HNF4A: variants seen among roughly 807,000 people sequenced by gnomAD.
The protein encoded by HNF4A is hepatocyte nuclear factor 4 alpha, also known as hepatocyte nuclear factor 4-alpha.
In HNF4A, 15 loss-of-function variants were observed where a neutral mutation model predicts 52.4. That is an observed-to-expected ratio of 0.29 (90% CI 0.19 to 0.44). The LOEUF (loss-of-function observed/expected upper bound fraction) is 0.44, where lower values mean the gene tolerates loss of function less well. HNF4A is among the 20% of genes least tolerant of loss of function. The probability of loss-of-function intolerance (pLI) is 1.00; values close to 1 mark genes in which losing one functional copy is unlikely to be tolerated. For synonymous variants in HNF4A, 280 were observed against 264.4 expected (o/e 1.06, Z -0.57); for missense variants, 479 against 647.2 (o/e 0.74, Z 2.82).
At chr20:44,385,915 A>G (rs1426108368) in intron 1 of HNF4A, among the ~76,000 whole-genome samples, 1 of 151,908 alleles carries the variant, frequency 6.6e-6, no homozygotes, top group Non-Finnish European at 1.5e-5. Context: ...GCTGGAGTGC[A>G]GTGGCACGAT....
intron 7 of HNF4A, among the ~76,000 whole-genome samples, chr20:44,422,526 C>T (rs2146459307): frequency 6.6e-6 from 1 of 152,092 alleles, no homozygotes; most frequent in Non-Finnish European, 1.5e-5. Flanking sequence ...TGCATTACCT[C>T]CATGAAGGTT....
intron 1 of HNF4A, among the ~76,000 whole-genome samples, chr20:44,404,900 G>C: frequency 1.4e-5 from 1 of 73,626 alleles, no homozygotes; most frequent in Non-Finnish European, 2.7e-5. Flanking sequence ...GTGAACTGTG[G>C]TGTGTGTGGT....
intron 1 of HNF4A, among the ~76,000 whole-genome samples, chr20:44,362,420 A>T (rs1189456848): frequency 4.0e-5 from 2 of 49,980 alleles, no homozygotes; most frequent in Admixed American, 6.6e-4. Context: ...ACTTGTCTTA[A>T]AAAAAAAAAA....
chr20:44,387,498 T>G (rs1432999225), intron 1 of HNF4A, among the ~76,000 whole-genome samples: 1 of 150,922 alleles, frequency 6.6e-6, no homozygotes, highest in Non-Finnish European at 1.5e-5. Flanking sequence ...GGGAGTTGTA[T>G]GAGTTTTGTT....
chr20:44,389,490 G>C (rs1328482869), intron 1 of HNF4A: 1 of 152,112 alleles, frequency 6.6e-6, no homozygotes, highest in Non-Finnish European at 1.5e-5. Flanking sequence ...CATTTGACTG[G>C]GCATCCTGTA....
At chr20:44,420,196 G>T (rs549468285) in intron 7 of HNF4A, among the ~76,000 whole-genome samples, 40 of 152,102 alleles carry the variant, frequency 2.6e-4, no homozygotes, top group Admixed American at 6.6e-4. Context: ...GCCAGGCATG[G>T]TGGTGCACGC....
chr20:44,374,509 G>C (rs1352097551), intron 1 of HNF4A, among the ~76,000 whole-genome samples: 3 of 152,098 alleles, frequency 2.0e-5, no homozygotes, highest in African/African-American at 7.2e-5. Context: ...TGTCACCCAG[G>C]CTGGAGTGCA....
chr20:44,365,476 A>AT (rs11480368), intron 1 of HNF4A, among the ~76,000 whole-genome samples: 26,465 of 152,056 alleles, frequency 0.17, 2,561 homozygotes, highest in Middle Eastern at 0.26. Context: ...GGCCTTTACA[A>AT]TTTTTTACAT....
Position 44,401,438 on chromosome 20 carries a change from C to T in HNF4A, c.66C>T (p.Ala22=), listed in dbSNP as rs766511087. 8 of 1,614,134 alleles carry T rather than the reference C, an allele frequency of 5.0e-6. No individual in the cohort carries two copies. The South Asian group carries it at 8.8e-5, about 18-fold the overall frequency. Residue 22 remains alanine, a synonymous_variant, in exon 1 of 10, where the codon GCC becomes GCT. Transcript: ENST00000316099. ...ACTACAGTGCTGCACTGGACCCAGCCTACACCACCCTGGAATTTGAGAATG... is the reference window on the plus strand; with the variant it reads ...ACTACAGTGCTGCACTGGACCCAGCTTACACCACCCTGGAATTTGAGAATG...
intron 1 of HNF4A, among the ~76,000 whole-genome samples, chr20:44,366,430 G>T (rs1401197001): frequency 1.3e-5 from 2 of 152,134 alleles, no homozygotes. Context: ...AGACCAGCCT[G>T]GCCAACATGC....
chr20:44,405,290 T>G lies in HNF4A; in HGVS notation c.116-768T>G, dbSNP rs80305670. 7.7e-3 allele frequency among the ~76,000 whole-genome samples: 1,180 copies of G among 152,282 alleles called. 6 individuals are homozygous for G. Among genetic ancestry groups the G allele is most frequent in the South Asian group, 0.025 (122 of 4,830 alleles). On this transcript the variant is annotated intron_variant, in intron 1 of 9. Transcript: ENST00000316099. ...AAACAAATTTTTTAAATTTTTTAAATTTTTTAAATTTGGAAACAGACCAGT... is the reference window on the plus strand; with the variant it reads ...AAACAAATTTTTTAAATTTTTTAAAGTTTTTAAATTTGGAAACAGACCAGT...
At chr20:44,428,071 G>A (rs572256890) in intron 8 of HNF4A, among the ~76,000 whole-genome samples, 57 of 152,250 alleles carry the variant, frequency 3.7e-4, no homozygotes, top group African/African-American at 1.2e-3. Context: ...GAACATTTAC[G>A]TGATCTCAGA....
intron 1 of HNF4A, among the ~76,000 whole-genome samples, chr20:44,365,827 C>A (rs1461704355): frequency 1.3e-5 from 2 of 151,844 alleles, no homozygotes; most frequent in Non-Finnish European, 2.9e-5. Flanking sequence ...GGCAATATGG[C>A]AAAAACCCAC....
chr20:44,388,380 C>A (rs1346186808), intron 1 of HNF4A, among the ~76,000 whole-genome samples: 1 of 114,540 alleles, frequency 8.7e-6, no homozygotes, highest in Non-Finnish European at 1.7e-5. Flanking sequence ...AGACCCCCCC[C>A]ACCCCCGTAC....
chr20:44,393,681 A>G (rs1257993698), intron 1 of HNF4A, among the ~76,000 whole-genome samples: 1 of 152,080 alleles, frequency 6.6e-6, no homozygotes, highest in Non-Finnish European at 1.5e-5. Flanking sequence ...CAAAGCTCCT[A>G]AAACAGCTGC....
intron 5 of HNF4A, among the ~76,000 whole-genome samples, chr20:44,417,716 T>C (rs2063684991): frequency 6.6e-6 from 1 of 152,122 alleles, no homozygotes; most frequent in African/African-American, 2.4e-5. Context: ...TTCACACCTG[T>C]AATCTCAGCA....
At position 44,406,106 on chromosome 20, in the gene HNF4A, G is replaced by A. The variant is rs2063496148; in HGVS notation, c.164G>A (p.Gly55Asp). ...AACCTCAACGCGCCCAACAGCCTGG[G>A]TGTCAGCGCCCTGTGTGCCATCTGC... is the stretch of plus-strand genomic sequence containing the variant. The change falls in exon 2 of 10, where the codon GGT becomes GAT. Residue 55 changes from glycine (G) to aspartate (D), a missense_variant. Coordinates refer to ENST00000316099, the MANE Select transcript of HNF4A (RefSeq NM_000457.6). 6.2e-7 allele frequency: 1 copy of A among 1,613,512 alleles called. No individual in the cohort carries two copies. Among genetic ancestry groups the A allele is most frequent in the Non-Finnish European group, 8.5e-7 (1 of 1,180,038 alleles).
At chr20:44,406,439 C>T (rs1300888434) in intron 2 of HNF4A, among the ~76,000 whole-genome samples, 3 of 152,206 alleles carry the variant, frequency 2.0e-5, no homozygotes, top group Non-Finnish European at 4.4e-5. Flanking sequence ...CTACTGGCTG[C>T]CGTTTATTGA....
chr20:44,423,904 C>T, intron 7 of HNF4A, 114 bp from the exon 8 acceptor site: 1 of 938,420 alleles, frequency 1.1e-6, no homozygotes, highest in South Asian at 1.4e-5. Flanking sequence ...TCCTTGTGCC[C>T]ACACTGCTGA....
Sources: gnomAD v4.1 joint callset for allele counts (sites outside exome capture counted in the v4.1 genomes callset) on GRCh38, gnomAD v4.1.1 for gene constraint, MANE v1.5 for transcripts, NCBI Gene and HGNC (gene_info 2026-07-23, HGNC 2026-07-21) for gene names.